NEK3: variants seen among roughly 807,000 people sequenced by gnomAD.
NEK3 encodes the protein NIMA related kinase 3.
Under a neutral mutation model 66.0 loss-of-function variants are expected in NEK3, and 54 were observed. The ratio of observed to expected loss-of-function variants is 0.82; its 90% CI spans 0.66 to 1.03. The LOEUF is 1.03. Ranked by LOEUF, NEK3 falls within the 50% of genes least tolerant of loss-of-function variation. The pLI, the probability that NEK3 is intolerant of heterozygous loss-of-function variation, is 0.00. For missense variants in NEK3, 593 were observed against 603.0 expected (o/e 0.98, Z 0.17); for synonymous variants, 200 against 206.2 (o/e 0.97, Z 0.26).
chr13:52,149,036 C>T (rs1389255993), intron 7 of NEK3, among the ~76,000 whole-genome samples: 7 of 152,012 alleles, frequency 4.6e-5, no homozygotes, highest in Admixed American at 1.3e-4. Context: ...GGACTACAGG[C>T]GCCCGCCACC....
chr13:52,135,689 A>AT (rs1956198037), intron 14 of NEK3, 40 bp downstream of exon 14: 1 of 1,551,102 alleles, frequency 6.4e-7, no homozygotes, highest in East Asian at 2.3e-5. Context: ...ATTTTCAAAA[A>AT]GTCAAAGGGT....
Position 52,144,696 on chromosome 13 carries a change from G to T in NEK3, c.799C>A (p.Pro267Thr), listed in dbSNP as rs368783409. The T allele has an allele frequency of 6.2e-6, 10 of 1,613,562 alleles. No homozygotes were observed. Among genetic ancestry groups the T allele is most frequent in the Middle Eastern group, 1.6e-4 (1 of 6,082 alleles). ...CAATCCAACACAGATCATACCTCGG[G>T]GGGTAAGCACTTCTGGACAAGCCGA... is the stretch of plus-strand genomic sequence containing the variant. ...VARLVQKCLP[P>T]EIIMEYGEEV... The change falls in exon 9 of 16, where the codon CCC becomes ACC. Residue 267 changes from proline (P) to threonine (T), a missense_variant. Transcript: ENST00000610828.
At chr13:52,151,683 G>A (rs370558262) in intron 5 of NEK3, among the ~76,000 whole-genome samples, 3 of 152,342 alleles carry the variant, frequency 2.0e-5, no homozygotes, top group African/African-American at 7.2e-5. Context: ...GCAGGCCCAG[G>A]TGTCAACCGT....
Position 52,133,820 on chromosome 13 carries a change from AG to A in NEK3, c.1310-6del. ...CTTTCAAGAACCCTTCTGAACCTTCAGGAGATATTAACAGAAAATATACCAA... is the reference window on the plus strand; with the variant it reads ...CTTTCAAGAACCCTTCTGAACCTTCAGAGATATTAACAGAAAATATACCAA... On this transcript the variant is annotated splice_polypyrimidine_tract_variant and splice_region_variant and intron_variant, in intron 14 of 15. Transcript: ENST00000610828. 2 of 1,594,192 alleles carry A rather than the reference AG, an allele frequency of 1.3e-6. No homozygotes were observed. Among genetic ancestry groups the A allele is most frequent in the Non-Finnish European group, 1.7e-6 (2 of 1,169,606 alleles).
At chr13:52,133,651 A>ACACAC (rs779313254) in intron 15 of NEK3, 38 bp downstream of exon 15, 3 of 1,539,224 alleles carry the variant, frequency 1.9e-6, no homozygotes, top group African/African-American at 2.8e-5. Context: ...ACACACCCCC[A>ACACAC]ACCCCAGCTA....
intron 9 of NEK3, among the ~76,000 whole-genome samples, chr13:52,144,344 A>G (rs1283866369): frequency 6.6e-6 from 1 of 152,198 alleles, no homozygotes; most frequent in East Asian, 1.9e-4. Context: ...TGAACCAGGG[A>G]GGTGGAGGTT....
intron 8 of NEK3, chr13:52,148,072 A>G: frequency 5.5e-6 from 1 of 182,866 alleles, no homozygotes; most frequent in Middle Eastern, 2.3e-3. Context: ...TTTTGAATGT[A>G]ATTAATGACA....
At chr13:52,133,646 C>CCCCCAA (rs1555319854) in intron 15 of NEK3, 43 bp downstream of exon 15, 3 of 1,538,506 alleles carry the variant, frequency 1.9e-6, no homozygotes. Flanking sequence ...CACACACACA[C>CCCCCAA]CCCCAACCCC....
At chr13:52,147,201 C>A (rs1956301900) in intron 8 of NEK3, among the ~76,000 whole-genome samples, 1 of 152,200 alleles carries the variant, frequency 6.6e-6, no homozygotes, top group African/African-American at 2.4e-5. Context: ...GACGCGGCCA[C>A]TCTTGCAAAG....
At chr13:52,133,257 C>T in intron 15 of NEK3, 31 bp from the exon 16 acceptor site, 1 of 1,508,116 alleles carries the variant, frequency 6.6e-7, no homozygotes, top group Non-Finnish European at 9.1e-7. Flanking sequence ...CCATAAACCT[C>T]TACATTAGGG....
rs1395149976 is a variant in NEK3 at position 52,156,077 on chromosome 13, T to C, written c.115A>G (p.Lys39Glu). Reference sequence around the variant, plus strand: ...GAGCTAATTTCTTTAGTAGTGACCTTGGGAAGCCTTATTTCTTTCATGGCA... The same window carrying C: ...GAGCTAATTTCTTTAGTAGTGACCTCGGGAAGCCTTATTTCTTTCATGGCA... ...MFAMKEIRLP[K>E]SFSNTQNSRK... is the part of the protein sequence containing the mutation. The change falls in exon 2 of 16, where the codon AAG (lysine) becomes GAG (glutamate). Residue 39 changes from lysine to glutamate, a missense_variant and splice_region_variant. Coordinates refer to ENST00000610828, the MANE Select transcript of NEK3 (RefSeq NM_002498.3). The C allele has an allele frequency of 1.9e-6, 3 of 1,586,512 alleles. No homozygotes were observed. The highest frequency in any genetic ancestry group is 1.7e-6 in the Non-Finnish European group (2 of 1,161,512).
At chr13:52,142,272 GCTAT>G (rs1238828411) in intron 10 of NEK3, among the ~76,000 whole-genome samples, 1 of 151,302 alleles carries the variant, frequency 6.6e-6, no homozygotes, top group Non-Finnish European at 1.5e-5. Flanking sequence ...AAGGTAACTG[GCTAT>G]CTCTTTTTTT....
chr13:52,143,536 G>A (rs1283053223), intron 10 of NEK3, among the ~76,000 whole-genome samples: 1 of 152,104 alleles, frequency 6.6e-6, no homozygotes, highest in African/African-American at 2.4e-5. Flanking sequence ...CTGTTTATAC[G>A]ATGGTTCTTC....
intron 4 of NEK3, 37 bp from the exon 5 acceptor site, chr13:52,152,729 A>C (rs763614882): frequency 7.5e-7 from 1 of 1,330,648 alleles, no homozygotes; most frequent in East Asian, 2.3e-5. Context: ...TCAAGAATGC[A>C]GTAACTGGCT....
At position 52,136,827 on chromosome 13, in the gene NEK3, A is replaced by G. The variant is rs528541680; in HGVS notation, c.1003T>C (p.Leu335=). Residue 335 remains leucine (L), a synonymous_variant, in exon 12 of 16, where the codon TTG becomes CTG. Transcript: ENST00000610828. ...SINENLVESA[L]RRVNREEKGN... ...TTTTCTTCTCTGTTTACTCTTCTCA[A>G]TGCACTTTCAACTAAATTTTCATTA... 6.4e-7 allele frequency: 1 copy of G among 1,566,820 alleles called. No individual in the cohort carries two copies. Among genetic ancestry groups the G allele is most frequent in the African/African-American group, 1.3e-5 (1 of 74,440 alleles).
At chr13:52,157,757 A>G (rs938594244) in intron 1 of NEK3, among the ~76,000 whole-genome samples, 6 of 152,238 alleles carry the variant, frequency 3.9e-5, no homozygotes, top group African/African-American at 1.4e-4. Flanking sequence ...CCTGGTACAT[A>G]CAAGGTCCTG....
Position 52,143,988 on chromosome 13 carries a change from C to G in NEK3, c.805-1G>C, listed in dbSNP as rs56380020. The G allele has an allele frequency of 3.0e-4, 452 of 1,482,922 alleles. 3 individuals are homozygous for G. In the East Asian group the frequency reaches 5.7e-3, roughly 19 times the overall value. The allele number at this position is 1,482,922 out of a possible 1,614,324, so 91.9% of individuals were successfully genotyped here. On this transcript the variant is annotated splice_acceptor_variant, in intron 9 of 15. Transcript: ENST00000610828. LOFTEE classifies it high-confidence loss of function. ...CTTCCTCACCATATTCCATGATGAT[C>G]TGAAATTTAAAGTTGAGAATTTAGA...
intron 10 of NEK3, among the ~76,000 whole-genome samples, chr13:52,142,053 G>C (rs9535883): frequency 0.51 from 77,732 of 151,558 alleles, 21,872 homozygotes; most frequent in Middle Eastern, 0.65. Context: ...CACCACTGCA[G>C]TCCAGCCTGG....
intron 10 of NEK3, among the ~76,000 whole-genome samples, chr13:52,141,274 G>A (rs1259660703): frequency 6.6e-6 from 1 of 152,112 alleles, no homozygotes; most frequent in African/African-American, 2.4e-5. Context: ...TATTTCCACT[G>A]TTTCATTCCT....
Sources: gnomAD v4.1 joint callset for allele counts (sites outside exome capture counted in the v4.1 genomes callset) on GRCh38, gnomAD v4.1.1 for gene constraint, MANE v1.5 for transcripts, NCBI Gene and HGNC (gene_info 2026-07-23, HGNC 2026-07-21) for gene names.